PTPRT: variants seen among roughly 807,000 people sequenced by gnomAD.
PTPRT encodes the protein protein tyrosine phosphatase receptor type T, also known as receptor-type tyrosine-protein phosphatase T.
Under a neutral mutation model 176.8 loss-of-function variants are expected in PTPRT, and 56 were observed. The ratio of observed to expected loss-of-function variants is 0.32; its 90% CI spans 0.26 to 0.40. The LOEUF is 0.40. Ranked by LOEUF, PTPRT falls within the 10% of genes least tolerant of loss-of-function variation. PTPRT has a pLI of 1.00. For synonymous variants in PTPRT, 783 were observed against 739.0 expected (o/e 1.06, Z -0.96); for missense variants, 1,540 against 1,908.2 (o/e 0.81, Z 3.60).
chr20:42,659,183 G>A (rs1390195877), intron 7 of PTPRT, among the ~76,000 whole-genome samples: 3 of 152,050 alleles, frequency 2.0e-5, no homozygotes, highest in Non-Finnish European at 2.9e-5. Context: ...AACAGCTCCA[G>A]GCACCAGGAA....
In PTPRT at chr20:42,625,349, G is replaced by A. The variant is rs568218317; in HGVS notation, c.1153+52517C>T. 1.8e-4 allele frequency among the ~76,000 whole-genome samples: 27 copies of A among 151,892 alleles called. No individual in the cohort carries two copies. In the East Asian group the frequency reaches 3.3e-3, roughly 19 times the overall value. ...AGAAGAAAAATGAAAGAGGGAGAAC[G>A]AATAAAGGAATGAATAGGTATGTAC... On this transcript the variant is annotated intron_variant, in intron 7 of 30. Transcript: ENST00000373187.
At chr20:42,678,950 T>C (rs2075555850) in intron 6 of PTPRT, among the ~76,000 whole-genome samples, 1 of 152,230 alleles carries the variant, frequency 6.6e-6, no homozygotes, top group African/African-American at 2.4e-5. Flanking sequence ...AAAAGAATGA[T>C]GGCACAGCAA....
At chr20:43,163,854 C>A (rs1046149351) in intron 1 of PTPRT, among the ~76,000 whole-genome samples, 6 of 152,126 alleles carry the variant, frequency 3.9e-5, no homozygotes, top group African/African-American at 1.4e-4. Flanking sequence ...ATGAACACAT[C>A]CGTTCCTCAA....
Position 42,199,335 on chromosome 20 carries a change from C to A in PTPRT, c.2396G>T (p.Gly799Val), listed in dbSNP as rs1174498679. The A allele has an allele frequency of 6.2e-7, 1 of 1,614,126 alleles. No individual in the cohort carries two copies. The highest frequency in any genetic ancestry group is 1.1e-5 in the South Asian group (1 of 91,068). ...GGGTTTGTCGGCAGAGGCCACAGGC[C>A]CCATCTCCCTCTGGGCTCCACTCTG... ...ETQSGAQREM[G>V]PVASADKPTT... Residue 799 changes from glycine to valine, a missense_variant, in exon 16 of 31, where the codon GGG becomes GTG. Physicochemically the swap from Gly to Val is moderately radical, Grantham distance 109. Transcript: ENST00000373187.
intron 1 of PTPRT, among the ~76,000 whole-genome samples, chr20:43,134,904 G>A (rs772407762): frequency 6.6e-6 from 1 of 152,122 alleles, no homozygotes; most frequent in Non-Finnish European, 1.5e-5. Context: ...ATTCTTTGAC[G>A]TAGAGGACTA....
At chr20:42,674,484 G>A (rs143904101) in intron 7 of PTPRT, among the ~76,000 whole-genome samples, 180 of 152,208 alleles carry the variant, frequency 1.2e-3, no homozygotes, top group African/African-American at 3.7e-3. Flanking sequence ...ATAAGTCCAC[G>A]GGGGCTGCTA....
At chr20:42,573,509 A>C (rs1391688556) in intron 7 of PTPRT, among the ~76,000 whole-genome samples, 1 of 152,196 alleles carries the variant, frequency 6.6e-6, no homozygotes, top group African/African-American at 2.4e-5. Flanking sequence ...TGTTGGTCTC[A>C]GACTGGGAGA....
At chr20:42,236,204 A>G (rs1340654784) in intron 15 of PTPRT, 25 bp downstream of exon 15, 1 of 1,579,392 alleles carries the variant, frequency 6.3e-7, no homozygotes, top group Non-Finnish European at 8.7e-7. Context: ...GCACGAAGCA[A>G]AGTTAACACC....
intron 9 of PTPRT, among the ~76,000 whole-genome samples, chr20:42,429,647 C>T (rs537730260): frequency 9.2e-5 from 14 of 152,316 alleles, no homozygotes; most frequent in Admixed American, 3.3e-4. Flanking sequence ...GTAGCAGCAC[C>T]ACTGCCATTC....
chr20:42,815,558 G>A (rs902427929), intron 2 of PTPRT, among the ~76,000 whole-genome samples: 3 of 152,104 alleles, frequency 2.0e-5, no homozygotes, highest in Admixed American at 6.5e-5. Context: ...GCTTCCTAAC[G>A]CACCTTAGGA....
intron 1 of PTPRT, among the ~76,000 whole-genome samples, chr20:42,916,782 C>T (rs1276389854): frequency 6.6e-6 from 1 of 152,174 alleles, no homozygotes; most frequent in Non-Finnish European, 1.5e-5. Context: ...AGTGTCTGTT[C>T]ATATCCTTTG....
At chr20:42,485,589 G>T (rs954363600) in intron 7 of PTPRT, among the ~76,000 whole-genome samples, 3 of 152,142 alleles carry the variant, frequency 2.0e-5, no homozygotes, top group Non-Finnish European at 4.4e-5. Flanking sequence ...CCTTCTAGAA[G>T]TACTACCTTT....
intron 7 of PTPRT, among the ~76,000 whole-genome samples, chr20:42,670,979 G>A (rs1004266442): frequency 5.9e-5 from 9 of 152,154 alleles, no homozygotes; most frequent in Admixed American, 1.3e-4. Context: ...GGGTAACAAT[G>A]AGGAAGAGCT....
chr20:42,091,266 G>A (rs1161969289), intron 27 of PTPRT, among the ~76,000 whole-genome samples: 1 of 152,168 alleles, frequency 6.6e-6, no homozygotes, highest in Non-Finnish European at 1.5e-5. Context: ...TGTCCTTGGG[G>A]GGTGCAAGTT....
chr20:42,098,574 C>T (rs1985532142), intron 26 of PTPRT, 22 bp from the exon 27 acceptor site: 1 of 1,613,482 alleles, frequency 6.2e-7, no homozygotes, highest in African/African-American at 1.3e-5. Context: ...ATGACACAGG[C>T]TTCGTAAATT....
intron 1 of PTPRT, among the ~76,000 whole-genome samples, chr20:43,034,860 A>C (rs1456143333): frequency 1.3e-5 from 2 of 151,842 alleles, no homozygotes; most frequent in African/African-American, 2.4e-5. Context: ...CTTGCTGGAG[A>C]GGGGGGTCCC....
intron 1 of PTPRT, among the ~76,000 whole-genome samples, chr20:43,101,470 T>A (rs1665241735): frequency 6.6e-6 from 1 of 152,114 alleles, no homozygotes; most frequent in Non-Finnish European, 1.5e-5. Flanking sequence ...TCTCCTAAAC[T>A]GTACAATGAG....
chr20:43,128,509 A>G (rs1293503803), intron 1 of PTPRT, among the ~76,000 whole-genome samples: 2 of 152,138 alleles, frequency 1.3e-5, no homozygotes, highest in African/African-American at 2.4e-5. Flanking sequence ...CACAACCACT[A>G]TGGGGGCCCC....
intron 7 of PTPRT, among the ~76,000 whole-genome samples, chr20:42,671,515 A>G (rs1300331795): frequency 9.8e-5 from 15 of 152,332 alleles, no homozygotes; most frequent in Non-Finnish European, 1.5e-5. Flanking sequence ...CCACAGCATG[A>G]ACTCTGAAAT....
Sources: allele counts gnomAD v4.1 joint callset (sites outside exome capture counted in the v4.1 genomes callset), GRCh38; gene constraint gnomAD v4.1.1; transcripts MANE v1.5; gene names NCBI Gene and HGNC (gene_info 2026-07-23, HGNC 2026-07-21).